The following CFP variants were observed in gnomAD, a reference collection of about 807,000 sequenced individuals.
CFP encodes the protein properdin.
A neutral mutation model predicts 42.1 loss-of-function variants in CFP; 14 were observed. The observed-to-expected ratio is 0.33, with a 90% CI of 0.22 to 0.52. CFP has a LOEUF of 0.52. Among genes scored for constraint, CFP ranks in the 20% least tolerant of loss-of-function variants. The pLI, the probability that CFP is intolerant of heterozygous loss-of-function variation, is 0.96. For synonymous variants in CFP, 149 were observed against 160.6 expected (o/e 0.93, Z 0.54); for missense variants, 318 against 400.4 (o/e 0.79, Z 1.76).
chrX:47,629,490 T>TCC, intron 2 of CFP, 34 bp downstream of exon 2: 1 of 375,006 alleles, frequency 2.7e-6, no homozygotes, highest in Admixed American at 4.1e-5. Context: ...AGTCCTTCCC[T>TCC]CCCCCCCATC....
rs1302475591 is a variant in CFP, at chrX:47,624,052, T to G, written c.*223A>C. ...AGAGGCTGGGACTGCACACTCGCTT[T>G]CACTCCTGCCAACCTGCGACCACAG... On this transcript the variant is annotated 3_prime_UTR_variant, in exon 9 of 9. Coordinates refer to ENST00000396992, the MANE Select transcript of CFP (RefSeq NM_001145252.3). The G allele has an allele frequency of 9.3e-6, 4 of 431,246 alleles. No individual in the cohort carries two copies. The highest frequency in any genetic ancestry group is 1.6e-5 in the Non-Finnish European group (4 of 244,220). 35.5% of individuals were successfully genotyped at this position (431,246 alleles called of 1,213,427 possible).
chrX:47,627,342 G>A lies in CFP; in HGVS notation c.575-10C>T. 1 of 1,187,549 alleles carries A rather than the reference G, an allele frequency of 8.4e-7. No homozygotes were observed. The stretch of plus-strand genomic sequence containing the variant: ...GCCCAGGCCCCGTGTGCTGTGGTGG[G>A]GTGGGAGGTGGAGGGATGCAGGTGT... On this transcript the variant is annotated splice_polypyrimidine_tract_variant and intron_variant, in intron 4 of 8. Transcript: ENST00000396992.
At position 47,624,298 on chromosome X, in the gene CFP, C is replaced by G; in HGVS notation, c.1387G>C (p.Asp463His). ...RPCLHVPACK[D>H]PEEEEL is the part of the protein sequence containing the mutation. Reference sequence around the variant, plus strand: ...TGTTAGAGTTCCTCTTCCTCAGGGTCTTTGCAAGCAGGCACGTGTAGACAT... The same window carrying G: ...TGTTAGAGTTCCTCTTCCTCAGGGTGTTTGCAAGCAGGCACGTGTAGACAT... The change falls in exon 9 of 9, where the codon GAC becomes CAC. Residue 463 changes from aspartate (D) to histidine (H), a missense_variant. Physicochemically the swap from Asp to His is moderately conservative, Grantham distance 81. Transcript: ENST00000396992. The G allele has an allele frequency of 8.3e-7, 1 of 1,211,101 alleles. No individual in the cohort carries two copies. The highest frequency in any genetic ancestry group is 1.1e-6 in the Non-Finnish European group (1 of 895,355).
At chrX:47,628,846 G>A (rs1226747165) in intron 2 of CFP, 4 of 195,213 alleles carry the variant, frequency 2.0e-5, no homozygotes, top group Non-Finnish European at 3.9e-5. Context: ...GTAGAAAACA[G>A]GTCTGGCATA....
At chrX:47,629,174 C>T in intron 2 of CFP, 1 of 248,208 alleles carries the variant, frequency 4.0e-6, no homozygotes, top group Admixed American at 6.1e-5. Context: ...TGAGCTATGT[C>T]AGTGGTTCTC....
chrX:47,629,881 G>A lies in CFP; in HGVS notation c.-37C>T. On this transcript the variant is annotated 5_prime_UTR_variant, in exon 1 of 9. Coordinates refer to ENST00000396992, the MANE Select transcript of CFP (RefSeq NM_001145252.3). The stretch of plus-strand genomic sequence containing the variant: ...CCCCCTGCACCTCTACCAGAGAGGA[G>A]GTCCCGCTTTATCTGGGTTGATAGG... The A allele has an allele frequency of 7.0e-6, 8 of 1,146,035 alleles. No individual in the cohort carries two copies. The highest frequency in any genetic ancestry group is 9.4e-6 in the Non-Finnish European group (8 of 853,247). 94.4% of individuals were successfully genotyped at this position (1,146,035 alleles called of 1,213,427 possible).
At chrX:47,629,479 C>T (rs1408244215) in intron 2 of CFP, 45 bp downstream of exon 2, 2 of 949,769 alleles carry the variant, frequency 2.1e-6, no homozygotes, top group Admixed American at 2.6e-5. Flanking sequence ...CCCCCACAGA[C>T]AGTCCTTCCC....
upstream of CFP, chrX:47,629,959 G>T: frequency 3.7e-6 from 3 of 806,568 alleles, no homozygotes; most frequent in Non-Finnish European, 5.5e-6. Flanking sequence ...AACTGGGAGG[G>T]CATCCTGCTT....
At chrX:47,629,271 C>T in intron 2 of CFP, 1 of 370,552 alleles carries the variant, frequency 2.7e-6, no homozygotes, top group Non-Finnish European at 4.7e-6. Context: ...AGAATTGCTA[C>T]TGGCATCTAG....
In CFP at chrX:47,626,936, G is replaced by A; in HGVS notation, c.777C>T (p.Gly259=). The A allele has an allele frequency of 8.5e-7, 1 of 1,181,568 alleles. No individual in the cohort carries two copies. Among genetic ancestry groups the A allele is most frequent in the Non-Finnish European group, 1.1e-6 (1 of 880,018 alleles). The change falls in exon 6 of 9, where the codon GGC becomes GGT. Residue 259 remains glycine (G), a synonymous_variant. Transcript: ENST00000396992. The part of the protein sequence containing the change: ...TGLPPCPVAG[G]WGPWGPVSPC... Reference sequence around the variant, plus strand: ...GGCTCACAGGGCCCCAAGGCCCCCAGCCCCCAGCCACTGTTGGAGGAGGAA... The same window carrying A: ...GGCTCACAGGGCCCCAAGGCCCCCAACCCCCAGCCACTGTTGGAGGAGGAA...
upstream of CFP, chrX:47,629,958 G>T: frequency 1.2e-6 from 1 of 812,370 alleles, no homozygotes; most frequent in Non-Finnish European, 1.8e-6. Context: ...GAACTGGGAG[G>T]GCATCCTGCT....
chrX:47,630,162 C>A (rs1265639848), upstream of CFP: 7 of 332,918 alleles, frequency 2.1e-5, no homozygotes, highest in Non-Finnish European at 3.7e-5. Flanking sequence ...CGTGCAGCAA[C>A]TTCCTAGCCG....
chrX:47,624,539 C>CA (rs2057961135), intron 8 of CFP, 99 bp from the exon 9 acceptor site: 101 of 307,555 alleles, frequency 3.3e-4, no homozygotes, highest in Non-Finnish European at 4.4e-4. Flanking sequence ...CCGAGGGCTA[C>CA]TTTTTTTTTT....
intron 6 of CFP, 81 bp from the exon 7 acceptor site, chrX:47,626,600 G>A: frequency 9.3e-7 from 1 of 1,074,663 alleles, no homozygotes; most frequent in South Asian, 1.9e-5. Context: ...AGGGCGGTAG[G>A]AGGGAGTAGA....
chrX:47,624,538 AC>A, intron 8 of CFP, 98 bp from the exon 9 acceptor site: 107 of 505,168 alleles, frequency 2.1e-4, no homozygotes, highest in South Asian at 2.8e-4. Flanking sequence ...GCCGAGGGCT[AC>A]TTTTTTTTTT....
intron 6 of CFP, 39 bp downstream of exon 6, chrX:47,626,734 G>A: frequency 8.5e-7 from 1 of 1,181,782 alleles, no homozygotes. Flanking sequence ...AGGGCAAGGG[G>A]GACTTAGGCA....
chrX:47,624,534 G>T, intron 8 of CFP, 94 bp from the exon 9 acceptor site: 1 of 692,423 alleles, frequency 1.4e-6, no homozygotes, highest in Non-Finnish European at 2.0e-6. Context: ...ATATGCCGAG[G>T]GCTACTTTTT....
At chrX:47,626,224 TGA>T (rs770172472) in intron 7 of CFP, 55 bp from the exon 8 acceptor site, 449 of 1,132,354 alleles carry the variant, frequency 4.0e-4, no homozygotes, top group Non-Finnish European at 4.7e-4. Context: ...GGTGGGAAAG[TGA>T]GAGGGAGGCT....
In CFP at chrX:47,627,647, G is replaced by C. The variant is rs373347141; in HGVS notation, c.404-6C>G. On this transcript the variant is annotated splice_polypyrimidine_tract_variant and splice_region_variant and intron_variant, in intron 3 of 8. Transcript: ENST00000396992. ...GCCAGACCAGCCGCCCATCTCTGTG[G>C]GAGAGAAGAGAGGGTAATGGGATGG... 12 of 1,189,720 alleles carry C rather than the reference G, an allele frequency of 1.0e-5. No individual in the cohort carries two copies. The African/African-American group carries it at 2.1e-4, about 21-fold the overall frequency.
Sources: allele counts gnomAD v4.1 joint callset, GRCh38; gene constraint gnomAD v4.1.1; transcripts MANE v1.5; gene names NCBI Gene and HGNC (gene_info 2026-07-23, HGNC 2026-07-21).